NALF1: variants seen among roughly 807,000 people sequenced by gnomAD.
The protein encoded by NALF1 is NALCN channel auxiliary factor 1.
In NALF1, 3 loss-of-function variants were observed where a neutral mutation model predicts 48.4. The ratio of observed to expected loss-of-function variants is 0.06; its 90% CI spans 0.03 to 0.16. The LOEUF (loss-of-function observed/expected upper bound fraction) is 0.16. Ranked by LOEUF, NALF1 falls within the 10% of genes least tolerant of loss-of-function variation. The pLI is 1.00. For synonymous variants in NALF1, 262 were observed against 245.7 expected, an observed-to-expected ratio of 1.07 and a Z score of -0.62; for missense variants, 526 against 571.5, an observed-to-expected ratio of 0.92 and a Z score of 0.81.
intron 2 of NALF1, among the ~76,000 whole-genome samples, chr13:107,171,737 A>G (rs989592946): frequency 6.6e-6 from 1 of 152,248 alleles, no homozygotes; most frequent in Non-Finnish European, 1.5e-5. Flanking sequence ...TGCAAGCTAT[A>G]TAAGTCATAG....
chr13:107,177,548 A>G (rs976831086), intron 2 of NALF1, among the ~76,000 whole-genome samples: 2 of 152,036 alleles, frequency 1.3e-5, no homozygotes, highest in African/African-American at 4.8e-5. Flanking sequence ...ACAAAGACAC[A>G]TAGACCAATG....
At chr13:107,684,678 GA>G (rs113980700) in intron 1 of NALF1, among the ~76,000 whole-genome samples, 3 of 152,008 alleles carry the variant, frequency 2.0e-5, no homozygotes, top group Admixed American at 6.5e-5. Flanking sequence ...GGAAAGACAT[GA>G]AAAAAACCTA....
chr13:107,547,978 T>G (rs1594122441), intron 1 of NALF1, among the ~76,000 whole-genome samples: 1 of 152,248 alleles, frequency 6.6e-6, no homozygotes, highest in East Asian at 1.9e-4. Flanking sequence ...CCTTCCTATT[T>G]TTTTTAAATT....
At chr13:107,669,283 T>C (rs1291050381) in intron 1 of NALF1, among the ~76,000 whole-genome samples, 1 of 152,130 alleles carries the variant, frequency 6.6e-6, no homozygotes, top group Non-Finnish European at 1.5e-5. Flanking sequence ...CTTTATCCAG[T>C]TATAACCAGT....
intron 1 of NALF1, among the ~76,000 whole-genome samples, chr13:107,749,793 GTTT>G (rs1401357350): frequency 6.6e-6 from 1 of 151,072 alleles, no homozygotes; most frequent in Non-Finnish European, 1.5e-5. Context: ...TATCAGTTTG[GTTT>G]TTTTGTTGTG....
Position 107,174,715 on chromosome 13 carries a change from T to C in NALF1, c.1088-3929A>G, listed in dbSNP as rs1242843564. 2.6e-5 allele frequency among the ~76,000 whole-genome samples: 4 copies of C among 151,702 alleles called. No individual in the cohort carries two copies. In the East Asian group the frequency reaches 7.8e-4, roughly 30 times the overall value. On this transcript the variant is annotated intron_variant, in intron 2 of 2. Transcript: ENST00000375915. ...TGATCAGACTTCCCAGAAAAGTCTA[T>C]CCAATATCCATCCAGGAAGCAGAAG...
chr13:107,175,899 C>A (rs1351436454), intron 2 of NALF1, among the ~76,000 whole-genome samples: 1 of 152,148 alleles, frequency 6.6e-6, no homozygotes, highest in Non-Finnish European at 1.5e-5. Context: ...AGGCTGGGTC[C>A]ACTTGACTCA....
At chr13:107,171,989 C>T (rs1409002002) in intron 2 of NALF1, among the ~76,000 whole-genome samples, 2 of 152,152 alleles carry the variant, frequency 1.3e-5, no homozygotes, top group Admixed American at 1.3e-4. Context: ...TATCTCATTG[C>T]TTCAACCTAA....
intron 1 of NALF1, among the ~76,000 whole-genome samples, chr13:107,757,415 C>CTTTTTTT (rs3074821): frequency 8.3e-5 from 9 of 107,916 alleles, no homozygotes; most frequent in Non-Finnish European, 9.7e-5. Flanking sequence ...GCCCTCATTT[C>CTTTTTTT]TTTTTTTTTT....
intron 1 of NALF1, among the ~76,000 whole-genome samples, chr13:107,757,871 T>A (rs1246164264): frequency 6.6e-6 from 1 of 152,204 alleles, no homozygotes; most frequent in Non-Finnish European, 1.5e-5. Context: ...TCATCTTGAG[T>A]TTTGTAATTA....
chr13:107,520,893 G>C (rs752680900), intron 1 of NALF1, among the ~76,000 whole-genome samples: 41 of 152,148 alleles, frequency 2.7e-4, no homozygotes, highest in Non-Finnish European at 4.4e-4. Context: ...CTCTGACCCT[G>C]AGAGTCCATG....
chr13:107,334,906 C>T (rs1206909230), intron 1 of NALF1, among the ~76,000 whole-genome samples: 3 of 152,066 alleles, frequency 2.0e-5, no homozygotes, highest in Admixed American at 2.0e-4. Flanking sequence ...TTCTCAGGCT[C>T]AGGAAGAATT....
chr13:107,386,577 C>T (rs532352932), intron 1 of NALF1, among the ~76,000 whole-genome samples: 122 of 152,306 alleles, frequency 8.0e-4, no homozygotes, highest in African/African-American at 2.9e-3. Flanking sequence ...AGTGCTTACC[C>T]TGGTTTTGCA....
intron 1 of NALF1, among the ~76,000 whole-genome samples, chr13:107,552,690 C>A (rs1202566129): frequency 6.6e-6 from 1 of 152,090 alleles, no homozygotes; most frequent in Non-Finnish European, 1.5e-5. Context: ...CACATATATT[C>A]ATAATGATTC....
intron 1 of NALF1, among the ~76,000 whole-genome samples, chr13:107,789,507 T>C (rs946733795): frequency 5.3e-5 from 8 of 152,216 alleles, no homozygotes; most frequent in Non-Finnish European, 4.4e-5. Flanking sequence ...CATCATTTCT[T>C]TGTCATTCTG....
At chr13:107,678,129 T>C (rs913993485) in intron 1 of NALF1, among the ~76,000 whole-genome samples, 1 of 152,212 alleles carries the variant, frequency 6.6e-6, no homozygotes, top group African/African-American at 2.4e-5. Context: ...AAAATTATCC[T>C]GGCTAGACTA....
At chr13:107,218,729 T>C (rs1413824826) in intron 1 of NALF1, among the ~76,000 whole-genome samples, 1 of 152,090 alleles carries the variant, frequency 6.6e-6, no homozygotes, top group African/African-American at 2.4e-5. Context: ...TAAAGCACAA[T>C]ATGGGATTGG....
intron 1 of NALF1, among the ~76,000 whole-genome samples, chr13:107,696,553 T>A (rs1881705049): frequency 4.6e-5 from 1 of 21,676 alleles, no homozygotes; most frequent in African/African-American, 1.8e-4. Flanking sequence ...CCAAGTTGAG[T>A]GTGTGTGTGT....
intron 1 of NALF1, among the ~76,000 whole-genome samples, chr13:107,214,885 G>C (rs1246905394): frequency 6.6e-6 from 1 of 152,118 alleles, no homozygotes; most frequent in Non-Finnish European, 1.5e-5. Context: ...ACTTGTTTGG[G>C]AAATGTTTTA....
Sources: allele counts gnomAD v4.1 joint callset (sites outside exome capture counted in the v4.1 genomes callset), GRCh38; gene constraint gnomAD v4.1.1; transcripts MANE v1.5; gene names NCBI Gene and HGNC (gene_info 2026-07-23, HGNC 2026-07-21).